Variants in SLC9A9 observed in about 807,000 individuals in gnomAD.
SLC9A9 encodes the protein solute carrier family 9 member A9.
Under a neutral mutation model 77.8 loss-of-function variants are expected in SLC9A9, and 62 were observed. The observed-to-expected ratio is 0.80, with a 90% CI of 0.65 to 0.98. SLC9A9 has a LOEUF of 0.98. Among genes scored for constraint, SLC9A9 ranks in the 50% least tolerant of loss-of-function variants. The pLI is 0.00. For synonymous variants in SLC9A9, 320 were observed against 283.5 expected (o/e 1.13, Z -1.29); for missense variants, 775 against 774.9 (o/e 1.00, Z 0.00).
intron 5 of SLC9A9, among the ~76,000 whole-genome samples, chr3:143,687,393 T>A (rs1335753010): frequency 6.6e-6 from 1 of 152,120 alleles, no homozygotes; most frequent in Non-Finnish European, 1.5e-5. Flanking sequence ...TAACTAGGTG[T>A]TTTAAGGTTG....
intron 12 of SLC9A9, among the ~76,000 whole-genome samples, chr3:143,419,091 C>A (rs1035075904): frequency 1.3e-5 from 2 of 152,128 alleles, no homozygotes; most frequent in Non-Finnish European, 1.5e-5. Flanking sequence ...ATGCTTTGGA[C>A]CAAGAACCCA....
At chr3:143,554,319 T>C (rs2036941138) in intron 8 of SLC9A9, among the ~76,000 whole-genome samples, 1 of 152,246 alleles carries the variant, frequency 6.6e-6, no homozygotes, top group South Asian at 2.1e-4. Flanking sequence ...AGGCTCACAA[T>C]GATTAAGCAG....
rs145198830 is a variant in SLC9A9, at chr3:143,494,755, T to C, written c.1203+580A>G. Among the ~76,000 whole-genome samples, 39 of 152,268 alleles carry C rather than the reference T, an allele frequency of 2.6e-4. No homozygotes were observed. In the East Asian group the frequency reaches 7.0e-3, roughly 27 times the overall value. On this transcript the variant is annotated intron_variant, in intron 10 of 15. Transcript: ENST00000316549. ...CTAGGAAAACCCCCTGCATTAAAAGTGGGGTCTAGATTTCATCTGTCTTCA... is the reference window on the plus strand; with the variant it reads ...CTAGGAAAACCCCCTGCATTAAAAGCGGGGTCTAGATTTCATCTGTCTTCA...
chr3:143,469,107 C>G (rs2035334043), intron 11 of SLC9A9, among the ~76,000 whole-genome samples: 2 of 152,212 alleles, frequency 1.3e-5, no homozygotes, highest in South Asian at 4.1e-4. Context: ...TTGCAGTGAG[C>G]TGAGATCGTG....
chr3:143,733,901 T>C (rs1432928339), intron 4 of SLC9A9, among the ~76,000 whole-genome samples: 4 of 152,130 alleles, frequency 2.6e-5, no homozygotes, highest in Non-Finnish European at 5.9e-5. Flanking sequence ...TCGAATTGAC[T>C]AAGAAAACCT....
At chr3:143,655,766 T>C in intron 5 of SLC9A9, 1 of 499,294 alleles carries the variant, frequency 2.0e-6, no homozygotes, top group Non-Finnish European at 2.6e-6. Context: ...AACTGAGAAA[T>C]GCCACTGAAT....
At chr3:143,823,678 T>G (rs570387197) in intron 2 of SLC9A9, among the ~76,000 whole-genome samples, 101 of 151,680 alleles carry the variant, frequency 6.7e-4, no homozygotes, top group African/African-American at 2.2e-3. Flanking sequence ...AAAAAATAAA[T>G]TAAAAATTAA....
At chr3:143,647,617 CTGAT>C (rs1055296679) in intron 6 of SLC9A9, among the ~76,000 whole-genome samples, 17 of 152,220 alleles carry the variant, frequency 1.1e-4, no homozygotes, top group Admixed American at 3.3e-4. Flanking sequence ...TTTATTTTTT[CTGAT>C]TGTTATTCTA....
intron 12 of SLC9A9, among the ~76,000 whole-genome samples, chr3:143,431,296 T>C (rs532141468): frequency 1.3e-5 from 2 of 152,278 alleles, no homozygotes; most frequent in East Asian, 1.9e-4. Context: ...TATGCCACTA[T>C]AGCACATAGA....
chr3:143,621,670 CAG>C (rs1227507285), intron 6 of SLC9A9, among the ~76,000 whole-genome samples: 1 of 152,144 alleles, frequency 6.6e-6, no homozygotes, highest in Admixed American at 6.5e-5. Context: ...GGGGAAAAAA[CAG>C]AGCAGAAAAA....
At chr3:143,802,896 A>G (rs1220773745) in intron 2 of SLC9A9, among the ~76,000 whole-genome samples, 1 of 152,104 alleles carries the variant, frequency 6.6e-6, no homozygotes, top group African/African-American at 2.4e-5. Context: ...TTTCTTACTC[A>G]GCCCCAACCT....
At chr3:143,696,880 T>A (rs1003321356) in intron 4 of SLC9A9, among the ~76,000 whole-genome samples, 1 of 152,064 alleles carries the variant, frequency 6.6e-6, no homozygotes. Context: ...GAAATTAAAG[T>A]TTTTATGGAA....
intron 9 of SLC9A9, among the ~76,000 whole-genome samples, chr3:143,514,982 A>T (rs1189569068): frequency 3.3e-5 from 5 of 152,188 alleles, no homozygotes; most frequent in Non-Finnish European, 7.3e-5. Context: ...GCCTTTTGAC[A>T]TGCCTTCCTC....
At chr3:143,273,548 C>A (rs1937957303) in intron 14 of SLC9A9, among the ~76,000 whole-genome samples, 1 of 152,156 alleles carries the variant, frequency 6.6e-6, no homozygotes, top group African/African-American at 2.4e-5. Flanking sequence ...TTCCAGCCTC[C>A]AAAACTGAGA....
chr3:143,337,624 C>T (rs143888474), intron 14 of SLC9A9, among the ~76,000 whole-genome samples: 4 of 152,188 alleles, frequency 2.6e-5, no homozygotes, highest in African/African-American at 7.2e-5. Flanking sequence ...TGGCCTTAAC[C>T]GCAGGCTGCT....
At chr3:143,742,595 A>G (rs189778234) in intron 4 of SLC9A9, among the ~76,000 whole-genome samples, 36 of 152,346 alleles carry the variant, frequency 2.4e-4, no homozygotes, top group African/African-American at 8.4e-4. Flanking sequence ...AAACTGTCAC[A>G]GCTAAGAGGA....
chr3:143,617,038 T>A (rs1205075556), intron 6 of SLC9A9, among the ~76,000 whole-genome samples: 4 of 152,108 alleles, frequency 2.6e-5, no homozygotes, highest in Non-Finnish European at 5.9e-5. Flanking sequence ...CAGCTGGGCT[T>A]TAGAAAGAGT....
At chr3:143,508,064 T>G (rs2036052698) in intron 9 of SLC9A9, among the ~76,000 whole-genome samples, 1 of 152,072 alleles carries the variant, frequency 6.6e-6, no homozygotes, top group African/African-American at 2.4e-5. Context: ...TAGCAACACA[T>G]GAAAAAAGGA....
chr3:143,562,455 C>T (rs957391707), intron 8 of SLC9A9, among the ~76,000 whole-genome samples: 1 of 152,022 alleles, frequency 6.6e-6, no homozygotes, highest in Non-Finnish European at 1.5e-5. Context: ...TACCAGCACA[C>T]TTGGACTTTA....
Sources: gnomAD v4.1 joint callset for allele counts (sites outside exome capture counted in the v4.1 genomes callset) on GRCh38, gnomAD v4.1.1 for gene constraint, MANE v1.5 for transcripts, NCBI Gene and HGNC (gene_info 2026-07-23, HGNC 2026-07-21) for gene names.